The following SYNPO2 variants were observed in gnomAD, a reference collection of about 807,000 sequenced individuals.
SYNPO2 encodes synaptopodin-2.
In SYNPO2, 56 loss-of-function variants were observed where a neutral mutation model predicts 85.0. That is an observed-to-expected ratio of 0.66 (90% confidence interval 0.53 to 0.82). The LOEUF (loss-of-function observed/expected upper bound fraction) is 0.82, where lower values mean the gene tolerates loss of function less well. SYNPO2 is among the 40% of genes least tolerant of loss of function. The pLI, the probability that SYNPO2 is intolerant of heterozygous loss-of-function variation, is 0.00. For synonymous variants in SYNPO2, 602 were observed against 591.1 expected, an observed-to-expected ratio of 1.02 and a Z score of -0.27; for missense variants, 1,575 against 1,534.2, an observed-to-expected ratio of 1.03 and a Z score of -0.44.
chr4:118,937,399 A>C (rs1278284860), intron 1 of SYNPO2, among the ~76,000 whole-genome samples: 2 of 152,068 alleles, frequency 1.3e-5, no homozygotes, highest in Non-Finnish European at 2.9e-5. Flanking sequence ...ATTCTCAACC[A>C]GTGTCGTTTA....
intron 1 of SYNPO2, among the ~76,000 whole-genome samples, chr4:119,018,901 C>G (rs1737616081): frequency 1.3e-5 from 2 of 152,108 alleles, no homozygotes; most frequent in Admixed American, 1.3e-4. Context: ...CAAAATATCA[C>G]ACATACCCCA....
At chr4:118,854,933 T>C (rs1578500698) in intron 1 of SYNPO2, among the ~76,000 whole-genome samples, 1 of 152,144 alleles carries the variant, frequency 6.6e-6, no homozygotes, top group African/African-American at 2.4e-5. Context: ...TTTAAAATGC[T>C]TGAGCCCTTA....
chr4:119,051,460 G>T (rs1739047171), intron 4 of SYNPO2, among the ~76,000 whole-genome samples: 7 of 151,754 alleles, frequency 4.6e-5, no homozygotes, highest in Admixed American at 4.6e-4. Context: ...CAAAGTGCTG[G>T]GATTACAGGC....
intron 1 of SYNPO2, among the ~76,000 whole-genome samples, chr4:119,004,288 C>T (rs1159074538): frequency 6.6e-6 from 1 of 151,978 alleles, no homozygotes; most frequent in Non-Finnish European, 1.5e-5. Context: ...AGGTTTGTTA[C>T]ATATGTATAC....
At position 118,861,923 on chromosome 4, in the gene SYNPO2, G is replaced by C. The variant is rs1487129931; in HGVS notation, c.12+10983G>C. Among the ~76,000 whole-genome samples the C allele has an allele frequency of 2.0e-5, 3 of 152,138 alleles. No homozygotes were observed. The East Asian group carries it at 5.8e-4, about 29-fold the overall frequency. ...AGCGATTGCATTAAATCTGTAGATT[G>C]CTTCAGGTAGTATGGACATTTTAAC... is the stretch of plus-strand genomic sequence containing the variant. On this transcript the variant is annotated intron_variant, in intron 1 of 4. Coordinates refer to the SYNPO2 transcript ENST00000610556.
At chr4:118,903,143 G>A (rs1360938504) in intron 1 of SYNPO2, among the ~76,000 whole-genome samples, 2 of 152,098 alleles carry the variant, frequency 1.3e-5, no homozygotes, top group African/African-American at 2.4e-5. Context: ...TAGTTTTATA[G>A]GTGAGAAATC....
chr4:119,024,549 C>A (rs1269440641), intron 2 of SYNPO2, among the ~76,000 whole-genome samples: 2 of 152,142 alleles, frequency 1.3e-5, no homozygotes, highest in African/African-American at 4.8e-5. Context: ...CAATGGAAAT[C>A]TAGCATTATT....
chr4:118,943,780 A>C (rs1734403554), intron 1 of SYNPO2, among the ~76,000 whole-genome samples: 1 of 152,160 alleles, frequency 6.6e-6, no homozygotes. Flanking sequence ...AGTAAATCTG[A>C]CTCTAAAGGC....
At chr4:118,950,394 C>T (rs1734658699) in intron 1 of SYNPO2, among the ~76,000 whole-genome samples, 1 of 152,178 alleles carries the variant, frequency 6.6e-6, no homozygotes, top group South Asian at 2.1e-4. Context: ...AGGGAAACAC[C>T]AGGGTCAGTC....
At position 119,029,998 on chromosome 4, in the gene SYNPO2, C is replaced by T; in HGVS notation, c.1223C>T (p.Thr408Ile). The T allele has an allele frequency of 1.2e-6, 2 of 1,614,034 alleles. 1 individual carries two copies. Among genetic ancestry groups the T allele is most frequent in the South Asian group, 2.2e-5 (2 of 91,066 alleles). The change falls in exon 4 of 5, where the codon ACC becomes ATC. Residue 408 changes from threonine to isoleucine, a missense_variant. By Grantham distance (89) the Thr-to-Ile change is moderately conservative (BLOSUM62 -1). This residue lies in a region of SYNPO2 where 1,508 missense variants were observed against 1,446.8 expected (regional missense o/e 1.04). Transcript: ENST00000307142. Reference protein sequence around the residue: ...KKRRRRARKYTLVSYGTGELE... With the variant: ...KKRRRRARKYILVSYGTGELE... ...CGACGTCGGAGGGCCAGGAAATACA[C>T]CCTAGTTAGCTACGGTACTGGCGAG... is the stretch of plus-strand genomic sequence containing the variant.
chr4:118,908,042 G>T (rs1387543771), intron 1 of SYNPO2, among the ~76,000 whole-genome samples: 1 of 152,102 alleles, frequency 6.6e-6, no homozygotes, highest in African/African-American at 2.4e-5. Flanking sequence ...TATTGAACAT[G>T]TAGGTTATTT....
chr4:118,937,588 G>A (rs1026169506), intron 1 of SYNPO2, among the ~76,000 whole-genome samples: 5 of 152,174 alleles, frequency 3.3e-5, no homozygotes, highest in African/African-American at 1.2e-4. Context: ...TCTCCAGGGT[G>A]TAATCAGATT....
intron 1 of SYNPO2, among the ~76,000 whole-genome samples, chr4:118,944,021 G>A (rs1416816561): frequency 6.6e-6 from 1 of 152,122 alleles, no homozygotes; most frequent in Non-Finnish European, 1.5e-5. Flanking sequence ...ATATTACTGT[G>A]CTTTTTACAT....
intron 1 of SYNPO2, among the ~76,000 whole-genome samples, chr4:118,930,009 A>G (rs1733870396): frequency 6.6e-6 from 1 of 152,200 alleles, no homozygotes; most frequent in African/African-American, 2.4e-5. Flanking sequence ...ATTAATGTTC[A>G]TAATAATGGC....
At chr4:118,930,457 A>T (rs765820236) in intron 1 of SYNPO2, among the ~76,000 whole-genome samples, 7 of 152,200 alleles carry the variant, frequency 4.6e-5, no homozygotes, top group Non-Finnish European at 1.0e-4. Context: ...GCTTAAAAAA[A>T]CTTTGCCTTT....
intron 4 of SYNPO2, among the ~76,000 whole-genome samples, chr4:119,047,465 T>C (rs1738906681): frequency 6.6e-6 from 1 of 152,234 alleles, no homozygotes; most frequent in Admixed American, 6.5e-5. Context: ...AATGATACTG[T>C]GTACTTCTGC....
intron 4 of SYNPO2, among the ~76,000 whole-genome samples, chr4:119,040,754 A>C (rs1186026197): frequency 6.6e-6 from 1 of 152,156 alleles, no homozygotes; most frequent in Non-Finnish European, 1.5e-5. Flanking sequence ...TATTACACTG[A>C]AAGTGGAGCA....
At chr4:119,032,219 A>G in intron 4 of SYNPO2, 192 bp downstream of exon 4, 1 of 1,434,280 alleles carries the variant, frequency 7.0e-7, no homozygotes, top group Non-Finnish European at 9.1e-7. Context: ...TGAGTCAAAA[A>G]TCCAACTCAG....
chr4:119,005,003 T>G (rs1736975850), intron 1 of SYNPO2, among the ~76,000 whole-genome samples: 1 of 152,066 alleles, frequency 6.6e-6, no homozygotes, highest in African/African-American at 2.4e-5. Context: ...TTTCATGTGT[T>G]TTTTGGCTGC....
Sources: gnomAD v4.1 joint callset for allele counts (sites outside exome capture counted in the v4.1 genomes callset) on GRCh38, gnomAD v4.1.1 for gene constraint, gnomAD v4.1.1 regional missense constraint, MANE v1.5 for transcripts, NCBI Gene and HGNC (gene_info 2026-07-23, HGNC 2026-07-21) for gene names.